HIVEP2: variants seen among roughly 807,000 people sequenced by gnomAD.
HIVEP2 encodes transcription factor HIVEP2.
In HIVEP2, 14 loss-of-function variants were observed where a neutral mutation model predicts 180.7. The ratio of observed to expected loss-of-function variants is 0.08; its 90% CI spans 0.05 to 0.12. HIVEP2 has a LOEUF of 0.12. Ranked by LOEUF, HIVEP2 falls within the 10% of genes least tolerant of loss-of-function variation. The pLI, the probability that HIVEP2 is intolerant of heterozygous loss-of-function variation, is 1.00. For synonymous variants in HIVEP2, 1,184 were observed against 1,136.4 expected (o/e 1.04, Z -0.84); for missense variants, 2,579 against 3,008.5 (o/e 0.86, Z 3.34).
chr6:142,771,899 A>G lies in HIVEP2; in HGVS notation c.2840T>C (p.Met947Thr). The G allele has an allele frequency of 6.2e-7, 1 of 1,614,160 alleles. No homozygotes were observed. The highest frequency in any genetic ancestry group is 8.5e-7 in the Non-Finnish European group (1 of 1,180,026). Reference sequence around the variant, plus strand: ...GCTGGACTCCCCTGAGGAGTGCTCCATATCTGCAAGTCGCAGACGCTTCTT... The same window carrying G: ...GCTGGACTCCCCTGAGGAGTGCTCCGTATCTGCAAGTCGCAGACGCTTCTT... ...PKKKRLRLAD[M>T]EHSSGESSFE... Residue 947 changes from methionine (M) to threonine (T), a missense_variant, in exon 5 of 10, where the codon ATG becomes ACG. Transcript: ENST00000367603. This position sits in a 1 kb window ranked among gnomAD's most constrained non-coding sequence, Gnocchi z 5.4.
Position 142,810,499 on chromosome 6 carries a change from A to C in HIVEP2, c.-528+26436T>G, listed in dbSNP as rs1436534417. Among the ~76,000 whole-genome samples the C allele has an allele frequency of 5.3e-5, 8 of 152,202 alleles. No individual in the cohort carries two copies. In the East Asian group the frequency reaches 1.5e-3, roughly 29 times the overall value. The stretch of plus-strand genomic sequence containing the variant: ...AATATTAGGCTAGGTTCAGTGGCTC[A>C]TGCCTGTAATCCCAGCACTTTGGGA... On this transcript the variant is annotated intron_variant, in intron 2 of 9. Coordinates refer to ENST00000367603, the MANE Select transcript of HIVEP2 (RefSeq NM_006734.4).
At position 142,772,265 on chromosome 6, in the gene HIVEP2, C is replaced by T. The variant is rs374009132; in HGVS notation, c.2474G>A (p.Cys825Tyr). The change falls in exon 5 of 10, where the codon TGC (cysteine) becomes TAC (tyrosine). Residue 825 changes from cysteine to tyrosine, a missense_variant. Around this residue, in one of 11 missense-constraint regions of HIVEP2, gnomAD observed 524 missense variants for 563.6 expected, o/e 0.93. Transcript: ENST00000367603. This position sits in a 1 kb window ranked among gnomAD's most constrained non-coding sequence, Gnocchi z 4.9. ...ERSESAELVA[C>Y]TQDKAPSPSE... ...AGGGGAAGGGGCTTTATCCTGTGTG[C>T]AAGCCACAAGTTCGGCTGACTCAGA... 1.2e-5 allele frequency: 20 copies of T among 1,614,054 alleles called. No individual in the cohort carries two copies. The highest frequency in any genetic ancestry group is 1.6e-5 in the Non-Finnish European group (19 of 1,180,040).
At chr6:142,764,708 A>C in intron 7 of HIVEP2, 91 bp downstream of exon 7, 1 of 896,194 alleles carries the variant, frequency 1.1e-6, no homozygotes, top group South Asian at 1.5e-5. Context: ...AACTATCTTT[A>C]TTGTTGATGA....
intron 1 of HIVEP2, among the ~76,000 whole-genome samples, chr6:142,926,734 T>C (rs2128436905): frequency 6.6e-6 from 1 of 152,194 alleles, no homozygotes; most frequent in East Asian, 1.9e-4. Flanking sequence ...CCCGACACGC[T>C]GGGGCCAGTG....
At chr6:142,797,310 A>G (rs1455992930) in intron 2 of HIVEP2, among the ~76,000 whole-genome samples, 2 of 152,192 alleles carry the variant, frequency 1.3e-5, no homozygotes, top group Non-Finnish European at 2.9e-5. Context: ...CTCCAAATTT[A>G]TGTGAAATAT....
chr6:142,773,831 A>G lies in HIVEP2; in HGVS notation c.908T>C (p.Leu303Pro), dbSNP rs2114663069. 1.9e-6 allele frequency: 3 copies of G among 1,613,718 alleles called. No individual in the cohort carries two copies. Among genetic ancestry groups the G allele is most frequent in the Non-Finnish European group, 1.7e-6 (2 of 1,180,012 alleles). Residue 303 changes from leucine to proline, a missense_variant, in exon 5 of 10, where the codon CTG becomes CCG. Leu to Pro is a moderately conservative substitution (Grantham distance 98, BLOSUM62 -3). This residue lies in a region of HIVEP2 where 142 missense variants were observed against 135.2 expected (regional missense o/e 1.05). Coordinates refer to ENST00000367603, the MANE Select transcript of HIVEP2 (RefSeq NM_006734.4). ...ATAGCCGCCTCTGCTGGCAATGTCC[A>G]GTGGGATGGGTGGACCAGGACTCAT... ...DKMSPGPPIP[L>P]DIASRGGYHG...
At chr6:142,765,379 C>T (rs1376459791) in intron 6 of HIVEP2, among the ~76,000 whole-genome samples, 1 of 152,230 alleles carries the variant, frequency 6.6e-6, no homozygotes, top group East Asian at 1.9e-4. Context: ...GTTAACATTA[C>T]ATCATCTAAG....
intron 1 of HIVEP2, among the ~76,000 whole-genome samples, chr6:142,919,618 CT>C (rs991636719): frequency 3.9e-5 from 6 of 152,170 alleles, no homozygotes; most frequent in African/African-American, 1.4e-4. Flanking sequence ...CAAAGACCCA[CT>C]TTTATAATTA....
Position 142,773,461 on chromosome 6 carries a change from A to G in HIVEP2, c.1278T>C (p.Phe426=), listed in dbSNP as rs1297911888. The change falls in exon 5 of 10, where the codon TTT becomes TTC. Residue 426 remains phenylalanine, a synonymous_variant. Coordinates refer to ENST00000367603, the MANE Select transcript of HIVEP2 (RefSeq NM_006734.4). ...TCGGACTAAGCCGACAGTATTTTCCAAAGATGATTTCTTCATAAGACTTTG... is the reference window on the plus strand; with the variant it reads ...TCGGACTAAGCCGACAGTATTTTCCGAAGATGATTTCTTCATAAGACTTTG... ...TNAKSYEEII[F]GKYCRLSPRN... 2 of 1,614,088 alleles carry G rather than the reference A, an allele frequency of 1.2e-6. No homozygotes were observed. Among genetic ancestry groups the G allele is most frequent in the African/African-American group, 2.7e-5 (2 of 74,924 alleles).
intron 2 of HIVEP2, among the ~76,000 whole-genome samples, chr6:142,786,417 A>T (rs2114706069): frequency 6.6e-6 from 1 of 152,350 alleles, no homozygotes; most frequent in East Asian, 1.9e-4. Context: ...CTTCCTAAAT[A>T]TGAGGTAAAA....
intron 1 of HIVEP2, among the ~76,000 whole-genome samples, chr6:142,859,134 A>G (rs897118288): frequency 3.3e-5 from 5 of 151,840 alleles, no homozygotes; most frequent in East Asian, 3.9e-4. Context: ...TTCTGTCTCT[A>G]TTTTTTTTAA....
At chr6:142,769,104 T>C (rs994957858) in intron 5 of HIVEP2, among the ~76,000 whole-genome samples, 5 of 152,118 alleles carry the variant, frequency 3.3e-5, no homozygotes, top group Non-Finnish European at 5.9e-5. Flanking sequence ...TCAATGAGAG[T>C]AAGCCCTGCA....
intron 1 of HIVEP2, among the ~76,000 whole-genome samples, chr6:142,925,449 T>C (rs1474900093): frequency 6.6e-6 from 1 of 152,172 alleles, no homozygotes. Context: ...ACCCATAACT[T>C]TGCCACCATA....
intron 1 of HIVEP2, among the ~76,000 whole-genome samples, chr6:142,849,286 T>C (rs941081794): frequency 1.3e-5 from 2 of 152,160 alleles, no homozygotes; most frequent in African/African-American, 4.8e-5. Context: ...CAGTGGATCT[T>C]CAGTAATCAG....
chr6:142,812,429 C>T (rs1013928856), intron 2 of HIVEP2, among the ~76,000 whole-genome samples: 2 of 152,124 alleles, frequency 1.3e-5, no homozygotes, highest in South Asian at 2.1e-4. Flanking sequence ...AGACTAAATG[C>T]TGCCCTGGTC....
At chr6:142,896,891 T>C (rs1246789866) in intron 1 of HIVEP2, among the ~76,000 whole-genome samples, 6 of 152,168 alleles carry the variant, frequency 3.9e-5, no homozygotes, top group Non-Finnish European at 8.8e-5. Context: ...AGAAATGCTT[T>C]CTGGGTCTTA....
chr6:142,770,779 C>G lies in HIVEP2; in HGVS notation c.3960G>C (p.Ser1320=). The change falls in exon 5 of 10, where the codon TCG becomes TCC. Residue 1320 remains serine (S), a synonymous_variant. Transcript: ENST00000367603. This position sits in a 1 kb window ranked among gnomAD's most constrained non-coding sequence, Gnocchi z 4.7. ...SEQVLQEDFA[S]ANAGSLQSLP... ...GGGACTGCAAAGACCCAGCATTTGC[C>G]GAGGCAAAATCTTCTTGAAGAACCT... 1 of 1,614,158 alleles carries G rather than the reference C, an allele frequency of 6.2e-7. No homozygotes were observed. Among genetic ancestry groups the G allele is most frequent in the Non-Finnish European group, 8.5e-7 (1 of 1,180,036 alleles).
In HIVEP2 at chr6:142,771,200, C is replaced by T; in HGVS notation, c.3539G>A (p.Ser1180Asn). Residue 1180 changes from serine to asparagine, a missense_variant, in exon 5 of 10, where the codon AGC (serine) becomes AAC (asparagine). Around this residue, in one of 11 missense-constraint regions of HIVEP2, gnomAD observed 523 missense variants for 577.0 expected, o/e 0.91. Coordinates refer to ENST00000367603, the MANE Select transcript of HIVEP2 (RefSeq NM_006734.4). The surrounding 1 kb of genome is among the most constrained non-coding windows in gnomAD (Gnocchi z 5.4). Reference protein sequence around the residue: ...PLIQPTSYMTSKHLPEQPHLF... With the variant: ...PLIQPTSYMTNKHLPEQPHLF... ...GTGTGGCTGTTCAGGTAAGTGCTTG[C>T]TTGTCATATAGGATGTTGGTTGGAT... 1 of 1,614,166 alleles carries T rather than the reference C, an allele frequency of 6.2e-7. No homozygotes were observed. Among genetic ancestry groups the T allele is most frequent in the Non-Finnish European group, 8.5e-7 (1 of 1,180,026 alleles).
intron 1 of HIVEP2, among the ~76,000 whole-genome samples, chr6:142,924,042 G>T (rs1216555564): frequency 6.6e-6 from 1 of 152,148 alleles, no homozygotes. Flanking sequence ...ATAGGTCAAT[G>T]AGCTTTTTAA....
Sources: allele counts gnomAD v4.1 joint callset (sites outside exome capture counted in the v4.1 genomes callset), GRCh38; gene constraint gnomAD v4.1.1; regional missense constraint gnomAD v4.1.1; non-coding constraint Gnocchi (gnomAD v3.1); transcripts MANE v1.5; gene names NCBI Gene and HGNC (gene_info 2026-07-23, HGNC 2026-07-21).